The following PAMR1 variants were observed in gnomAD, a reference collection of about 807,000 sequenced individuals.
The protein encoded by PAMR1 is peptidase domain containing associated with muscle regeneration 1, also known as inactive serine protease PAMR1.
Under a neutral mutation model 81.8 loss-of-function variants are expected in PAMR1, and 88 were observed. The observed-to-expected ratio is 1.08, with a 90% confidence interval of 0.91 to 1.28. The LOEUF (loss-of-function observed/expected upper bound fraction) is 1.28. PAMR1 is among the 50% of genes most tolerant of loss of function. The probability of loss-of-function intolerance (pLI) is 0.00; values close to 1 mark genes in which losing one functional copy is unlikely to be tolerated. For synonymous variants in PAMR1, 336 were observed against 345.3 expected (o/e 0.97, Z 0.30); for missense variants, 935 against 919.7 (o/e 1.02, Z -0.21).
chr11:35,446,710 T>C (rs189897813), intron 6 of PAMR1, among the ~76,000 whole-genome samples: 3 of 152,354 alleles, frequency 2.0e-5, no homozygotes, highest in African/African-American at 7.2e-5. Flanking sequence ...CAGTTTGTTA[T>C]TATTTCAGTC....
intron 1 of PAMR1, among the ~76,000 whole-genome samples, chr11:35,513,113 G>T (rs1851103030): frequency 2.6e-5 from 4 of 152,208 alleles, no homozygotes; most frequent in Admixed American, 2.6e-4. Flanking sequence ...ACAGAGCTCT[G>T]CTTCCAATAG....
chr11:35,495,999 G>A (rs540599479), intron 1 of PAMR1, among the ~76,000 whole-genome samples: 47 of 152,302 alleles, frequency 3.1e-4, no homozygotes, highest in Middle Eastern at 6.8e-3. Flanking sequence ...CATCATCATA[G>A]CATAATCGCC....
chr11:35,501,558 A>AATT (rs965104758), intron 1 of PAMR1, among the ~76,000 whole-genome samples: 1 of 148,656 alleles, frequency 6.7e-6, no homozygotes, highest in South Asian at 2.2e-4. Flanking sequence ...TTTTTAATTT[A>AATT]ATTATTATTA....
intron 1 of PAMR1, among the ~76,000 whole-genome samples, chr11:35,516,608 C>T (rs114429551): frequency 0.011 from 1,601 of 152,218 alleles, 20 homozygotes; most frequent in African/African-American, 0.036. Flanking sequence ...CAATATTTAG[C>T]GAAGGCAGGA....
intron 1 of PAMR1, among the ~76,000 whole-genome samples, chr11:35,500,481 G>A (rs1850812592): frequency 6.6e-6 from 1 of 152,172 alleles, no homozygotes; most frequent in African/African-American, 2.4e-5. Context: ...CAATAGAGAA[G>A]ACATTGGTCA....
intron 1 of PAMR1, among the ~76,000 whole-genome samples, chr11:35,519,078 G>A (rs1289941946): frequency 6.6e-6 from 1 of 152,150 alleles, no homozygotes; most frequent in Non-Finnish European, 1.5e-5. Context: ...CAGAAATAAA[G>A]GCATTTATCC....
At chr11:35,515,137 A>G (rs1851139391) in intron 1 of PAMR1, among the ~76,000 whole-genome samples, 1 of 152,240 alleles carries the variant, frequency 6.6e-6, no homozygotes, top group Non-Finnish European at 1.5e-5. Context: ...CCCAAGACCC[A>G]AGAATTCTAC....
intron 1 of PAMR1, among the ~76,000 whole-genome samples, chr11:35,514,641 CT>C: frequency 6.6e-6 from 1 of 152,290 alleles, no homozygotes. Context: ...CTGAATAGGT[CT>C]TATTTTTATT....
intron 3 of PAMR1, among the ~76,000 whole-genome samples, chr11:35,480,284 G>C (rs1850363925): frequency 6.6e-6 from 1 of 152,182 alleles, no homozygotes; most frequent in South Asian, 2.1e-4. Context: ...TGGTTGTTCA[G>C]AAAGAATAGC....
intron 1 of PAMR1, among the ~76,000 whole-genome samples, chr11:35,521,052 C>T (rs1851266398): frequency 6.6e-6 from 1 of 152,218 alleles, no homozygotes; most frequent in African/African-American, 2.4e-5. Context: ...GTCACCTCTG[C>T]TTCTGGGCTC....
chr11:35,513,737 A>T (rs143091015), intron 1 of PAMR1, among the ~76,000 whole-genome samples: 1 of 152,288 alleles, frequency 6.6e-6, no homozygotes, highest in African/African-American at 2.4e-5. Flanking sequence ...CACTCCCCAG[A>T]CCACCTGTAT....
At position 35,439,607 on chromosome 11, in the gene PAMR1, T is replaced by C. The variant is rs757305387; in HGVS notation, c.1100+20A>G. The C allele has an allele frequency of 1.9e-6, 3 of 1,593,224 alleles. No individual in the cohort carries two copies. The highest frequency in any genetic ancestry group is 1.1e-5 in the South Asian group (1 of 90,638). ...ATACTCATTAGCCTTCAGGGCAGAGTGCAGGTGTTTTGACCTCACCTTGAC... is the reference window on the plus strand; with the variant it reads ...ATACTCATTAGCCTTCAGGGCAGAGCGCAGGTGTTTTGACCTCACCTTGAC... On this transcript the variant is annotated intron_variant, in intron 8 of 10. Coordinates refer to ENST00000619888, the MANE Select transcript of PAMR1 (RefSeq NM_001001991.3).
chr11:35,494,863 A>G (rs1850697046), intron 1 of PAMR1, among the ~76,000 whole-genome samples: 2 of 152,262 alleles, frequency 1.3e-5, no homozygotes, highest in East Asian at 3.8e-4. Context: ...AAAGAAATCA[A>G]GTTTCATCAA....
In PAMR1 at chr11:35,504,455, T is replaced by C. The variant is rs749616758; in HGVS notation, c.74-10183A>G. Among the ~76,000 whole-genome samples the C allele has an allele frequency of 1.4e-4, 21 of 152,112 alleles. No individual in the cohort carries two copies. In the South Asian group the frequency reaches 1.5e-3, roughly 11 times the overall value. ...TGGTAGAGTTTAAGGAAAATTGGTA[T>C]TAATTTTTCTTTAAATGTTTGGTAG... is the stretch of plus-strand genomic sequence containing the variant. On this transcript the variant is annotated intron_variant, in intron 1 of 10. Coordinates refer to ENST00000619888, the MANE Select transcript of PAMR1 (RefSeq NM_001001991.3).
At chr11:35,487,840 G>A (rs1196785217) in intron 3 of PAMR1, among the ~76,000 whole-genome samples, 1 of 152,206 alleles carries the variant, frequency 6.6e-6, no homozygotes, top group East Asian at 1.9e-4. Context: ...TCACAGCTCT[G>A]AGCCTCAGTT....
chr11:35,432,591 ACACT>A lies in PAMR1; in HGVS notation c.1924_1927del (p.Val643LeufsTer42). The A allele has an allele frequency of 6.2e-7, 1 of 1,614,170 alleles. No individual in the cohort carries two copies. The highest frequency in any genetic ancestry group is 8.5e-7 in the Non-Finnish European group (1 of 1,180,006). ...GCTGGCACAGAACATGTTATCAGTG[ACACT>A]CACTGGGATGCCATGGTCCTCATGC... On this transcript the variant is annotated frameshift_variant, in exon 11 of 11. Transcript: ENST00000619888. LOFTEE classifies it high-confidence loss of function.
chr11:35,455,984 C>T (rs2135360907), intron 6 of PAMR1, among the ~76,000 whole-genome samples: 1 of 151,714 alleles, frequency 6.6e-6, no homozygotes, highest in Middle Eastern at 3.4e-3. Flanking sequence ...CAATCTTTTT[C>T]AATCAAAAAA....
rs1456793213 is a variant in PAMR1, at chr11:35,525,600, G to A, written c.-15C>T. On this transcript the variant is annotated 5_prime_UTR_variant, in exon 1 of 11. Coordinates refer to ENST00000619888, the MANE Select transcript of PAMR1 (RefSeq NM_001001991.3). ...CCCAGCTCCATCCTTGCCGCGGCTG[G>A]TGCCCGAGCGTCTACTGGGGAGGGA... is the stretch of plus-strand genomic sequence containing the variant. The A allele has an allele frequency of 6.2e-7, 1 of 1,612,750 alleles. No homozygotes were observed. The highest frequency in any genetic ancestry group is 1.7e-5 in the Admixed American group (1 of 59,948).
chr11:35,488,812 A>T (rs999068889), intron 3 of PAMR1, among the ~76,000 whole-genome samples: 5 of 147,534 alleles, frequency 3.4e-5, no homozygotes, highest in Non-Finnish European at 6.0e-5. Context: ...GGCTCAAGTA[A>T]TCCACTGCCT....
Sources: allele counts gnomAD v4.1 joint callset (sites outside exome capture counted in the v4.1 genomes callset), GRCh38; gene constraint gnomAD v4.1.1; transcripts MANE v1.5; gene names NCBI Gene and HGNC (gene_info 2026-07-23, HGNC 2026-07-21).